Variants in ILRUN observed in about 807,000 individuals in gnomAD.
ILRUN encodes the protein inflammation and lipid regulator with UBA-like and NBR1-like domains, also known as protein ILRUN.
ILRUN carries 3 observed loss-of-function variants against 33.8 expected under a neutral mutation model. The ratio of observed to expected loss-of-function variants is 0.09; its 90% CI spans 0.04 to 0.23. The LOEUF (loss-of-function observed/expected upper bound fraction) is 0.23. Among genes scored for constraint, ILRUN ranks in the 10% least tolerant of loss-of-function variants. The probability of loss-of-function intolerance (pLI) is 1.00; values close to 1 mark genes in which losing one functional copy is unlikely to be tolerated. For synonymous variants in ILRUN, 124 were observed against 138.9 expected, an observed-to-expected ratio of 0.89 and a Z score of 0.75; for missense variants, 210 against 375.1, an observed-to-expected ratio of 0.56 and a Z score of 3.64.
chr6:34,644,726 G>A (rs1465548793), intron 3 of ILRUN, among the ~76,000 whole-genome samples: 1 of 152,110 alleles, frequency 6.6e-6, no homozygotes, highest in African/African-American at 2.4e-5. Context: ...TTAATGAAGG[G>A]GGAGGGATGA....
intron 1 of ILRUN, among the ~76,000 whole-genome samples, chr6:34,695,441 G>C (rs1763744223): frequency 6.6e-6 from 1 of 152,242 alleles, no homozygotes; most frequent in South Asian, 2.1e-4. Context: ...ACAAGGGGAA[G>C]CGTTGCTTAA....
chr6:34,605,131 A>G (rs1761598639), intron 4 of ILRUN, among the ~76,000 whole-genome samples: 1 of 151,938 alleles, frequency 6.6e-6, no homozygotes, highest in African/African-American at 2.4e-5. Flanking sequence ...ACGTGGTGAA[A>G]CCCCATCTCT....
At chr6:34,637,043 T>C (rs1762379046) in intron 3 of ILRUN, among the ~76,000 whole-genome samples, 2 of 152,206 alleles carry the variant, frequency 1.3e-5, no homozygotes, top group African/African-American at 2.4e-5. Flanking sequence ...TTTCATTTAA[T>C]ATGGCAGTGG....
At chr6:34,619,126 T>C (rs1337376770) in intron 3 of ILRUN, among the ~76,000 whole-genome samples, 1 of 151,764 alleles carries the variant, frequency 6.6e-6, no homozygotes, top group Non-Finnish European at 1.5e-5. Context: ...GAGTAAGAGA[T>C]CAGGAGGTGG....
At chr6:34,643,498 CTTT>C (rs1762512261) in intron 3 of ILRUN, among the ~76,000 whole-genome samples, 1 of 152,084 alleles carries the variant, frequency 6.6e-6, no homozygotes, top group Non-Finnish European at 1.5e-5. Context: ...CTTCTACCTT[CTTT>C]TTGTTTCCTA....
chr6:34,683,523 TATATAC>T lies in ILRUN; in HGVS notation c.158+12917_158+12922del, dbSNP rs1327343277. Among the ~76,000 whole-genome samples the T allele has an allele frequency of 7.0e-3, 926 of 131,992 alleles. 39 individuals carry two copies. The highest frequency in any genetic ancestry group is 0.016 in the African/African-American group (527 of 32,870). The allele number at this position is 131,992 out of a possible 152,430, so 86.6% of individuals were successfully genotyped here. On this transcript the variant is annotated intron_variant, in intron 1 of 4. Transcript: ENST00000374023. Reference sequence around the variant, plus strand: ...ACATATATATATATATACATATATATATATACATATTGCACAGAATATTCTGTGCAA... The same window carrying T: ...ACATATATATATATATACATATATATATATTGCACAGAATATTCTGTGCAA...
intron 3 of ILRUN, among the ~76,000 whole-genome samples, chr6:34,642,568 A>T (rs1403923894): frequency 6.6e-6 from 1 of 152,162 alleles, no homozygotes; most frequent in Non-Finnish European, 1.5e-5. Flanking sequence ...AATGGCTACC[A>T]AGAGGTGGAA....
intron 1 of ILRUN, among the ~76,000 whole-genome samples, chr6:34,666,892 A>G (rs1241086224): frequency 1.3e-5 from 2 of 152,230 alleles, no homozygotes; most frequent in African/African-American, 4.8e-5. Flanking sequence ...CAGGTTTGAG[A>G]CAGCTCATCC....
intron 4 of ILRUN, among the ~76,000 whole-genome samples, chr6:34,591,382 C>T (rs1378921787): frequency 6.6e-5 from 10 of 152,144 alleles, no homozygotes. Flanking sequence ...ATGATCCCAG[C>T]TACTTGGGAG....
intron 3 of ILRUN, among the ~76,000 whole-genome samples, chr6:34,616,289 C>T (rs1323637582): frequency 2.0e-5 from 3 of 152,182 alleles, no homozygotes; most frequent in Admixed American, 1.3e-4. Context: ...GGGTTCAAAT[C>T]CTTTAGGAAG....
intron 3 of ILRUN, among the ~76,000 whole-genome samples, chr6:34,613,559 T>A (rs1215383247): frequency 6.6e-6 from 1 of 152,220 alleles, no homozygotes; most frequent in South Asian, 2.1e-4. Context: ...CAGTGTATAC[T>A]GGGGCTGAAC....
chr6:34,616,549 C>G lies in ILRUN; in HGVS notation c.512-9645G>C, dbSNP rs559527389. The G allele has an allele frequency of 3.3e-5, 44 of 1,336,618 alleles. No individual in the cohort carries two copies. The African/African-American group carries it at 3.7e-4, about 11-fold the overall frequency. The allele number at this position is 1,336,618 out of a possible 1,614,324, so 82.8% of individuals were successfully genotyped here. A position where few individuals can be genotyped will look rare whatever the true frequency, so the allele number is the denominator to read the frequency against. On this transcript the variant is annotated intron_variant, in intron 3 of 4. Transcript: ENST00000374023. Reference sequence around the variant, plus strand: ...TTCAGGCTGGAACCATGGAGGGTGTCGAAGAGAAGAAGGTTCCTGCTGTGC... The same window carrying G: ...TTCAGGCTGGAACCATGGAGGGTGTGGAAGAGAAGAAGGTTCCTGCTGTGC...
intron 4 of ILRUN, among the ~76,000 whole-genome samples, chr6:34,591,479 C>T (rs1253569306): frequency 6.6e-6 from 1 of 151,528 alleles, no homozygotes; most frequent in Non-Finnish European, 1.5e-5. Flanking sequence ...GGCTGGGCAA[C>T]AGAGCGAAAT....
At chr6:34,643,755 C>T (rs575651209) in intron 3 of ILRUN, among the ~76,000 whole-genome samples, 17 of 152,272 alleles carry the variant, frequency 1.1e-4, no homozygotes, top group Admixed American at 2.0e-4. Flanking sequence ...CAGGCTGGAG[C>T]GCAGTGGCGC....
intron 1 of ILRUN, among the ~76,000 whole-genome samples, chr6:34,655,452 CCTT>C (rs1194632005): frequency 2.0e-5 from 3 of 152,258 alleles, no homozygotes; most frequent in South Asian, 2.1e-4. Flanking sequence ...TTATTTTCCC[CCTT>C]TTTTATACAA....
intron 3 of ILRUN, among the ~76,000 whole-genome samples, chr6:34,641,412 A>C (rs1762473512): frequency 6.6e-6 from 1 of 152,206 alleles, no homozygotes; most frequent in Admixed American, 6.5e-5. Flanking sequence ...ATTTGGATTC[A>C]ATGAAATACA....
chr6:34,668,816 A>G, intron 1 of ILRUN, among the ~76,000 whole-genome samples: 1 of 150,630 alleles, frequency 6.6e-6, no homozygotes, highest in East Asian at 1.9e-4. Flanking sequence ...TGGGACTACT[A>G]TTTAAAAAAA....
rs1761304662 is a variant in ILRUN, at chr6:34,592,041, C to T, written c.862-1441G>A. On this transcript the variant is annotated intron_variant, in intron 4 of 4. Coordinates refer to ENST00000374023, the MANE Select transcript of ILRUN (RefSeq NM_024294.4). This position sits in a 1 kb window ranked among gnomAD's most constrained non-coding sequence, Gnocchi z 4.0. ...ACATCAAAAGCAGCTACACAAACCA[C>T]GAACACGCTGGACCATGACGTGTGC... Among the ~76,000 whole-genome samples, 2 of 152,148 alleles carry T rather than the reference C, an allele frequency of 1.3e-5. No individual in the cohort carries two copies. The highest frequency in any genetic ancestry group is 1.5e-5 in the Non-Finnish European group (1 of 68,016).
intron 1 of ILRUN, among the ~76,000 whole-genome samples, chr6:34,656,839 T>C (rs1182156928): frequency 6.6e-6 from 1 of 152,228 alleles, no homozygotes; most frequent in African/African-American, 2.4e-5. Context: ...GAAATTACAA[T>C]ACCAATGGCC....
Sources: allele counts gnomAD v4.1 joint callset (sites outside exome capture counted in the v4.1 genomes callset), GRCh38; gene constraint gnomAD v4.1.1; non-coding constraint Gnocchi (gnomAD v3.1); transcripts MANE v1.5; gene names NCBI Gene and HGNC (gene_info 2026-07-23, HGNC 2026-07-21).